The following ROCK1 variants were observed in gnomAD, a reference collection of about 807,000 sequenced individuals.
ROCK1 encodes rho-associated protein kinase 1.
A neutral mutation model predicts 196.8 loss-of-function variants in ROCK1; 36 were observed. That is an observed-to-expected ratio of 0.18 (90% CI 0.14 to 0.24). The LOEUF (loss-of-function observed/expected upper bound fraction) is 0.24, where lower values mean the gene tolerates loss of function less well. Ranked by LOEUF, ROCK1 falls within the 10% of genes least tolerant of loss-of-function variation. The pLI is 1.00. For missense variants in ROCK1, 920 were observed against 1,562.0 expected (o/e 0.59, Z 6.93); for synonymous variants, 443 against 515.9 (o/e 0.86, Z 1.91).
chr18:21,083,128 T>A (rs78632678), intron 1 of ROCK1, among the ~76,000 whole-genome samples: 24,198 of 152,116 alleles, frequency 0.16, 3,865 homozygotes, highest in African/African-American at 0.41. Context: ...AGAATAAATT[T>A]AACTGAGGCT....
intron 22 of ROCK1, among the ~76,000 whole-genome samples, chr18:20,972,532 G>A (rs759154422): frequency 2.0e-5 from 3 of 152,170 alleles, no homozygotes; most frequent in South Asian, 2.1e-4. Context: ...AACTTTTAAC[G>A]GTCTCAGCAA....
At chr18:20,957,379 T>C (rs1218760503) in intron 29 of ROCK1, among the ~76,000 whole-genome samples, 1 of 152,258 alleles carries the variant, frequency 6.6e-6, no homozygotes, top group African/African-American at 2.4e-5. Flanking sequence ...CACAAAAGTG[T>C]ACATTACTGT....
chr18:20,955,390 C>G, intron 29 of ROCK1, 145 bp from the exon 30 acceptor site: 1 of 974,470 alleles, frequency 1.0e-6, no homozygotes, highest in Non-Finnish European at 1.5e-6. Context: ...ATTAAAACCA[C>G]AATAAGTGTC....
chr18:21,074,293 T>C (rs2036411743), intron 1 of ROCK1, among the ~76,000 whole-genome samples: 1 of 152,218 alleles, frequency 6.6e-6, no homozygotes, highest in African/African-American at 2.4e-5. Flanking sequence ...AGTTAAAATC[T>C]GTTTAACTGG....
Position 21,011,619 on chromosome 18 carries a change from C to T in ROCK1, c.1411-3425G>A, listed in dbSNP as rs560656535. On this transcript the variant is annotated intron_variant, in intron 13 of 32. Coordinates refer to ENST00000399799, the MANE Select transcript of ROCK1 (RefSeq NM_005406.3). ...TACAGGCGTGCACTACCACACCTGGCTAATTTTTGTATTTTTTGTAGAGAC... is the reference window on the plus strand; with the variant it reads ...TACAGGCGTGCACTACCACACCTGGTTAATTTTTGTATTTTTTGTAGAGAC... Among the ~76,000 whole-genome samples, 9 of 152,212 alleles carry T rather than the reference C, an allele frequency of 5.9e-5. 1 individual carries two copies. In the South Asian group the frequency reaches 1.9e-3, roughly 32 times the overall value.
intron 1 of ROCK1, among the ~76,000 whole-genome samples, chr18:21,089,207 G>A (rs988277627): frequency 2.0e-5 from 3 of 151,972 alleles, no homozygotes; most frequent in Non-Finnish European, 4.4e-5. Flanking sequence ...ACAGGGGCAC[G>A]CCACCACATT....
chr18:20,974,008 G>C (rs1293047768), intron 22 of ROCK1, among the ~76,000 whole-genome samples: 3 of 151,798 alleles, frequency 2.0e-5, no homozygotes, highest in Non-Finnish European at 4.4e-5. Context: ...CTGACCTCGT[G>C]ATCCCCCCGC....
At chr18:21,015,781 G>A (rs1415810322) in intron 12 of ROCK1, among the ~76,000 whole-genome samples, 1 of 151,512 alleles carries the variant, frequency 6.6e-6, no homozygotes, top group African/African-American at 2.4e-5. Context: ...AGACCAGCTT[G>A]GCCAACATGG....
At chr18:21,000,272 T>TG (rs962329595) in intron 16 of ROCK1, among the ~76,000 whole-genome samples, 39 of 152,134 alleles carry the variant, frequency 2.6e-4, no homozygotes, top group Non-Finnish European at 5.1e-4. Context: ...TTTTCTTTTT[T>TG]TTTTTTGGAG....
At chr18:21,035,305 C>A (rs1052599859) in intron 9 of ROCK1, among the ~76,000 whole-genome samples, 8 of 152,126 alleles carry the variant, frequency 5.3e-5, no homozygotes, top group African/African-American at 1.9e-4. Context: ...CACTTTGGTG[C>A]ACTGCTGCTG....
chr18:21,100,310 C>G (rs1452535993), intron 1 of ROCK1, among the ~76,000 whole-genome samples: 1 of 151,642 alleles, frequency 6.6e-6, no homozygotes, highest in Admixed American at 6.6e-5. Context: ...GCATTCCCCA[C>G]CAAAAGGAAA....
At position 21,017,699 on chromosome 18, in the gene ROCK1, G is replaced by A. The variant is rs577013867; in HGVS notation, c.1362-2220C>T. On this transcript the variant is annotated intron_variant, in intron 12 of 32. Coordinates refer to ENST00000399799, the MANE Select transcript of ROCK1 (RefSeq NM_005406.3). ...TTTAAAGAAATGCAAGTGGCCGGGCGTGGTGGCTCACACCTGTAATCCCAG... is the reference window on the plus strand; with the variant it reads ...TTTAAAGAAATGCAAGTGGCCGGGCATGGTGGCTCACACCTGTAATCCCAG... Among the ~76,000 whole-genome samples the A allele has an allele frequency of 9.9e-5, 15 of 152,002 alleles. No individual in the cohort carries two copies. In the South Asian group the frequency reaches 1.5e-3, roughly 15 times the overall value.
At chr18:21,106,853 C>G (rs911897536) in intron 1 of ROCK1, among the ~76,000 whole-genome samples, 1 of 152,094 alleles carries the variant, frequency 6.6e-6, no homozygotes, top group African/African-American at 2.4e-5. Context: ...TACAGGTGTT[C>G]GAGAAAAGAT....
intron 16 of ROCK1, among the ~76,000 whole-genome samples, chr18:20,994,300 C>T (rs2035652034): frequency 6.6e-6 from 1 of 152,060 alleles, no homozygotes. Context: ...TGTTGAAGTG[C>T]TATTTAGAAA....
chr18:20,970,300 T>C (rs1350888070), intron 23 of ROCK1, 48 bp downstream of exon 23: 8 of 1,447,158 alleles, frequency 5.5e-6, no homozygotes, highest in African/African-American at 2.8e-5. Flanking sequence ...ATGTGACCTA[T>C]TGTGATTTAA....
At chr18:20,992,352 C>T (rs899307971) in intron 17 of ROCK1, among the ~76,000 whole-genome samples, 3 of 152,136 alleles carry the variant, frequency 2.0e-5, no homozygotes, top group African/African-American at 7.2e-5. Context: ...AGGTATATAA[C>T]AGAGAATAAC....
intron 27 of ROCK1, 23 bp from the exon 28 acceptor site, chr18:20,960,229 AT>A: frequency 7.4e-7 from 1 of 1,352,874 alleles, no homozygotes; most frequent in Non-Finnish European, 1.1e-6. Context: ...GAATATATGT[AT>A]TAGTCAGTCT....
intron 27 of ROCK1, among the ~76,000 whole-genome samples, chr18:20,964,354 T>C (rs1012049686): frequency 6.6e-6 from 1 of 152,198 alleles, no homozygotes; most frequent in African/African-American, 2.4e-5. Flanking sequence ...CAACATTCTT[T>C]AACAATTCTT....
chr18:21,035,192 T>C (rs1019011620), intron 9 of ROCK1, among the ~76,000 whole-genome samples: 1 of 152,088 alleles, frequency 6.6e-6, no homozygotes, highest in African/African-American at 2.4e-5. Context: ...TGCACTGCCG[T>C]TGGGAATGTG....
Sources: allele counts gnomAD v4.1 joint callset (sites outside exome capture counted in the v4.1 genomes callset), GRCh38; gene constraint gnomAD v4.1.1; transcripts MANE v1.5; gene names NCBI Gene and HGNC (gene_info 2026-07-23, HGNC 2026-07-21).